CUL5: variants seen among roughly 807,000 people sequenced by gnomAD.
The protein encoded by CUL5 is cullin 5, also known as cullin-5.
CUL5 carries 26 observed loss-of-function variants against 108.8 expected under a neutral mutation model. The ratio of observed to expected loss-of-function variants is 0.24; its 90% confidence interval spans 0.18 to 0.33. The LOEUF (loss-of-function observed/expected upper bound fraction) is 0.33. Among genes scored for constraint, CUL5 ranks in the 10% least tolerant of loss-of-function variants. The pLI is 1.00. For synonymous variants in CUL5, 334 were observed against 298.0 expected (o/e 1.12, Z -1.25); for missense variants, 524 against 909.2 (o/e 0.58, Z 5.45).
intron 1 of CUL5, among the ~76,000 whole-genome samples, chr11:108,025,322 T>A (rs1413495078): frequency 6.6e-6 from 1 of 152,196 alleles, no homozygotes; most frequent in Non-Finnish European, 1.5e-5. Flanking sequence ...TTTTCCTGTT[T>A]CTTTGCATGC....
chr11:108,028,480 AC>A (rs1862502244), intron 1 of CUL5, among the ~76,000 whole-genome samples: 1 of 152,116 alleles, frequency 6.6e-6, no homozygotes. Flanking sequence ...CCCAGTTTTA[AC>A]CCTTGCCCCT....
At chr11:108,061,230 G>C (rs1251401423) in intron 7 of CUL5, among the ~76,000 whole-genome samples, 1 of 152,160 alleles carries the variant, frequency 6.6e-6, no homozygotes, top group Non-Finnish European at 1.5e-5. Flanking sequence ...CAAATAACAA[G>C]TTATATATTT....
chr11:108,037,203 A>C (rs1057221591), intron 2 of CUL5, among the ~76,000 whole-genome samples: 2 of 152,154 alleles, frequency 1.3e-5, no homozygotes, highest in Non-Finnish European at 2.9e-5. Flanking sequence ...TGCCAGGGGA[A>C]TGAGGTAGCC....
At chr11:108,061,137 G>C (rs943514779) in intron 7 of CUL5, among the ~76,000 whole-genome samples, 2 of 152,070 alleles carry the variant, frequency 1.3e-5, no homozygotes, top group African/African-American at 4.8e-5. Context: ...TTTTCTTCAC[G>C]GAATCTAGCA....
chr11:108,094,193 G>A (rs923212412), intron 13 of CUL5, among the ~76,000 whole-genome samples, 198 bp from the exon 14 acceptor site: 4 of 152,106 alleles, frequency 2.6e-5, no homozygotes, highest in Admixed American at 6.6e-5. Flanking sequence ...CTAAAAATGC[G>A]CAAAGCAGGG....
At chr11:108,096,219 GTGGCTCA>G (rs1329637359) in intron 16 of CUL5, among the ~76,000 whole-genome samples, 2 of 151,706 alleles carry the variant, frequency 1.3e-5, no homozygotes, top group Non-Finnish European at 1.5e-5. Context: ...GGCTGGGGCA[GTGGCTCA>G]TGGCTGTAAT....
Position 108,106,826 on chromosome 11 carries a change from C to T in CUL5, c.*2442C>T, listed in dbSNP as rs1200194623. Reference sequence around the variant, plus strand: ...GCAGTTAAGTGAAAAGAAAATCCAGCCTCCCCCTCCAAAAAAAAAAAAAAA... The same window carrying T: ...GCAGTTAAGTGAAAAGAAAATCCAGTCTCCCCCTCCAAAAAAAAAAAAAAA... On this transcript the variant is annotated 3_prime_UTR_variant, in exon 19 of 19. Transcript: ENST00000393094. 4.0e-5 allele frequency: 5 copies of T among 125,150 alleles called. No individual in the cohort carries two copies. Among genetic ancestry groups the T allele is most frequent in the African/African-American group, 1.4e-4 (5 of 35,026 alleles). The allele number at this position is 125,150 out of a possible 1,614,324, so 7.8% of individuals were successfully genotyped here.
At chr11:108,062,172 A>G (rs1863553810) in intron 7 of CUL5, among the ~76,000 whole-genome samples, 2 of 152,178 alleles carry the variant, frequency 1.3e-5, no homozygotes, top group Admixed American at 1.3e-4. Context: ...TTCATTGTTT[A>G]TAGTTTATTT....
chr11:108,048,264 A>G (rs188644356), intron 3 of CUL5, among the ~76,000 whole-genome samples: 4 of 152,228 alleles, frequency 2.6e-5, no homozygotes, highest in Admixed American at 2.6e-4. Flanking sequence ...AAAAAAAAGT[A>G]AAAATAATAA....
chr11:108,025,939 A>G (rs767324769), intron 1 of CUL5, among the ~76,000 whole-genome samples: 3 of 151,884 alleles, frequency 2.0e-5, no homozygotes, highest in Non-Finnish European at 4.4e-5. Flanking sequence ...CGCTCACCTC[A>G]TTTGTTTTTC....
chr11:108,071,606 G>A (rs528381629), intron 8 of CUL5, among the ~76,000 whole-genome samples: 60 of 152,188 alleles, frequency 3.9e-4, no homozygotes, highest in African/African-American at 1.2e-3. Context: ...GAGTGCAATG[G>A]TGCAATCACG....
At chr11:108,079,456 G>C (rs1035314709) in intron 11 of CUL5, among the ~76,000 whole-genome samples, 3 of 151,986 alleles carry the variant, frequency 2.0e-5, no homozygotes, top group Non-Finnish European at 4.4e-5. Flanking sequence ...GAGTTACTAT[G>C]GTTGCTTTAT....
At position 108,084,336 on chromosome 11, in the gene CUL5, C is replaced by T. The variant is rs1290059392; in HGVS notation, c.1179-4191C>T. ...TCAGAGGTTACTTGAGGATTTGTAA[C>T]TGTGTTTCCCTAAGGAGACGCAGCA... On this transcript the variant is annotated intron_variant, in intron 11 of 18. Coordinates refer to ENST00000393094, the MANE Select transcript of CUL5 (RefSeq NM_003478.6). Among the ~76,000 whole-genome samples, 18 of 152,314 alleles carry T rather than the reference C, an allele frequency of 1.2e-4. No individual in the cohort carries two copies. In the East Asian group the frequency reaches 3.5e-3, roughly 29 times the overall value.
At chr11:108,074,689 C>T (rs1358298207) in intron 10 of CUL5, among the ~76,000 whole-genome samples, 1 of 151,990 alleles carries the variant, frequency 6.6e-6, no homozygotes, top group African/African-American at 2.4e-5. Flanking sequence ...GCGTGTAATT[C>T]CAGCTACTTA....
intron 11 of CUL5, among the ~76,000 whole-genome samples, chr11:108,082,992 T>A (rs547242121): frequency 6.6e-6 from 1 of 152,374 alleles, no homozygotes; most frequent in South Asian, 2.1e-4. Flanking sequence ...TTGGCTCAGA[T>A]ACCTTTTTTG....
chr11:108,013,971 A>G (rs1862117923), intron 1 of CUL5, among the ~76,000 whole-genome samples: 1 of 152,234 alleles, frequency 6.6e-6, no homozygotes, highest in South Asian at 2.1e-4. Context: ...GCAAGGTACC[A>G]TGGAGAATGC....
chr11:108,039,894 G>T (rs1862849213), intron 2 of CUL5, among the ~76,000 whole-genome samples: 1 of 151,984 alleles, frequency 6.6e-6, no homozygotes, highest in South Asian at 2.1e-4. Flanking sequence ...TCCATTAGTG[G>T]TTGCCTTCGT....
At chr11:108,034,442 G>A (rs952676670) in intron 2 of CUL5, among the ~76,000 whole-genome samples, 2 of 152,184 alleles carry the variant, frequency 1.3e-5, no homozygotes, top group African/African-American at 2.4e-5. Context: ...TTTCAGGAAA[G>A]TGTAGGAAAC....
At chr11:108,035,068 AAG>A (rs2135091092) in intron 2 of CUL5, among the ~76,000 whole-genome samples, 1 of 152,270 alleles carries the variant, frequency 6.6e-6, no homozygotes, top group South Asian at 2.1e-4. Flanking sequence ...GGTGACAGGA[AAG>A]AGAGAACTAG....
Sources: allele counts gnomAD v4.1 joint callset (sites outside exome capture counted in the v4.1 genomes callset), GRCh38; gene constraint gnomAD v4.1.1; transcripts MANE v1.5; gene names NCBI Gene and HGNC (gene_info 2026-07-23, HGNC 2026-07-21).